The following WNK3 variants were observed in gnomAD, a reference collection of about 807,000 sequenced individuals.
WNK3 encodes the protein serine/threonine-protein kinase WNK3.
Under a neutral mutation model 116.7 loss-of-function variants are expected in WNK3, and 18 were observed. That is an observed-to-expected ratio of 0.15 (90% CI 0.11 to 0.23). The LOEUF (loss-of-function observed/expected upper bound fraction) is 0.23, where lower values mean the gene tolerates loss of function less well. WNK3 is among the 10% of genes least tolerant of loss of function. The pLI is 1.00. For missense variants in WNK3, 993 were observed against 1,323.8 expected (o/e 0.75, Z 3.88); for synonymous variants, 404 against 469.4 (o/e 0.86, Z 1.80).
intron 11 of WNK3, 116 bp from the exon 12 acceptor site, chrX:54,256,003 T>C: frequency 1.6e-6 from 1 of 618,210 alleles, no homozygotes; most frequent in Non-Finnish European, 2.4e-6. Flanking sequence ...ACTACAATCT[T>C]TTTAAAAGTT....
intron 1 of WNK3, among the ~76,000 whole-genome samples, chrX:54,354,565 G>A (rs1557179057): frequency 9.0e-6 from 1 of 111,041 alleles, no homozygotes; most frequent in Non-Finnish European, 1.9e-5. Flanking sequence ...CTAGGGAAAA[G>A]AGCCAACTCA....
At chrX:54,253,510 T>G (rs782074993) in intron 13 of WNK3, among the ~76,000 whole-genome samples, 1 of 110,947 alleles carries the variant, frequency 9.0e-6, no homozygotes, top group South Asian at 3.8e-4. Flanking sequence ...CAAGTGATCC[T>G]CCTGCCTAGG....
intron 12 of WNK3, 40 bp from the exon 13 acceptor site, chrX:54,254,115 G>C: frequency 4.1e-6 from 4 of 981,667 alleles, no homozygotes; most frequent in Non-Finnish European, 5.7e-6. Flanking sequence ...GTCAATCACT[G>C]TCTTCTTTTT....
rs147706876 is a variant in WNK3, at chrX:54,249,406, G to C, written c.2942C>G (p.Thr981Ser). The C allele has an allele frequency of 4.1e-6, 5 of 1,209,948 alleles. No homozygotes were observed. The African/African-American group carries it at 7.0e-5, about 17-fold the overall frequency. The change falls in exon 17 of 24, where the codon ACT (threonine) becomes AGT (serine). Residue 981 changes from threonine (T) to serine (S), a missense_variant. Physicochemically the swap from Thr to Ser is moderately conservative, Grantham distance 58. Transcript: ENST00000354646. Reference sequence around the variant, plus strand: ...AGCTGGAACTGCACGAACTGAAGTAGTAGAGTAACTGGAACTATTAGTAAC... The same window carrying C: ...AGCTGGAACTGCACGAACTGAAGTACTAGAGTAACTGGAACTATTAGTAAC...
At chrX:54,234,704 T>C (rs1358628279) in intron 20 of WNK3, among the ~76,000 whole-genome samples, 1 of 108,974 alleles carries the variant, frequency 9.2e-6, no homozygotes, top group Non-Finnish European at 1.9e-5. Context: ...CGGGTGCCTA[T>C]AGTCCCAGCT....
chrX:54,301,988 G>A, intron 5 of WNK3, 129 bp from the exon 6 acceptor site: 1 of 498,900 alleles, frequency 2.0e-6, no homozygotes, highest in Non-Finnish European at 3.4e-6. Flanking sequence ...AAATATACAT[G>A]TGTATATATA....
At chrX:54,202,302 C>T in intron 22 of WNK3, 109 bp from the exon 23 acceptor site, 1 of 682,346 alleles carries the variant, frequency 1.5e-6, no homozygotes, top group Non-Finnish European at 2.2e-6. Flanking sequence ...ACATGGGGTG[C>T]AATTAGGGTG....
intron 7 of WNK3, 151 bp from the exon 8 acceptor site, chrX:54,294,998 G>A (rs905100651): frequency 5.2e-5 from 21 of 402,648 alleles, no homozygotes; most frequent in Non-Finnish European, 7.3e-5. Context: ...CTAGGTTCAA[G>A]CGATTCTCCT....
chrX:54,284,165 T>C (rs2068553705), intron 10 of WNK3, among the ~76,000 whole-genome samples: 1 of 111,656 alleles, frequency 9.0e-6, no homozygotes, highest in African/African-American at 3.3e-5. Context: ...AAGGGACTTG[T>C]ATAATCCAGG....
chrX:54,337,920 T>G (rs1557175728), intron 1 of WNK3, among the ~76,000 whole-genome samples: 1 of 107,566 alleles, frequency 9.3e-6, no homozygotes, highest in East Asian at 3.0e-4. Flanking sequence ...ATTACAAAAT[T>G]AGCTGGGTAT....
intron 8 of WNK3, among the ~76,000 whole-genome samples, chrX:54,293,885 C>T (rs1032033122): frequency 3.6e-5 from 4 of 111,815 alleles, no homozygotes; most frequent in Non-Finnish European, 5.6e-5. Context: ...CTTTATTAAA[C>T]GATGTACGTG....
chrX:54,316,190 C>A (rs1435012263), intron 2 of WNK3, among the ~76,000 whole-genome samples: 1 of 110,693 alleles, frequency 9.0e-6, no homozygotes, highest in Non-Finnish European at 1.9e-5. Context: ...GGAGACGGGA[C>A]CTTTATGTCA....
intron 20 of WNK3, among the ~76,000 whole-genome samples, chrX:54,233,778 C>A: frequency 1.0e-5 from 1 of 100,050 alleles, no homozygotes; most frequent in African/African-American, 3.7e-5. Context: ...AGTTCAATAC[C>A]AGCCTAGACA....
At chrX:54,249,754 C>T in intron 16 of WNK3, 120 bp from the exon 17 acceptor site, 1 of 764,814 alleles carries the variant, frequency 1.3e-6, no homozygotes, top group Non-Finnish European at 1.9e-6. Context: ...TGAAAGTACT[C>T]TCGTAAATAA....
At chrX:54,224,935 A>C (rs2067817005) in intron 22 of WNK3, among the ~76,000 whole-genome samples, 1 of 110,994 alleles carries the variant, frequency 9.0e-6, no homozygotes, top group African/African-American at 3.3e-5. Context: ...ACAGAGAAAT[A>C]GAAGACTTGA....
Position 54,237,092 on chromosome X carries a change from C to T in WNK3, c.4474G>A (p.Glu1492Lys). ...TGGTGTGGTAAGCACTGATTACTCT[C>T]TGGACCAGTCTTTGCCACTGACTTT... is the stretch of plus-strand genomic sequence containing the variant. Residue 1492 changes from glutamate to lysine, a missense_variant, in exon 20 of 24, where the codon GAG (glutamate) becomes AAG (lysine). Transcript: ENST00000354646. The T allele has an allele frequency of 8.3e-7, 1 of 1,211,990 alleles. No individual in the cohort carries two copies. The highest frequency in any genetic ancestry group is 1.1e-6 in the Non-Finnish European group (1 of 895,607).
intron 1 of WNK3, among the ~76,000 whole-genome samples, chrX:54,341,948 G>A (rs1352038176): frequency 8.9e-6 from 1 of 111,839 alleles, no homozygotes; most frequent in African/African-American, 3.2e-5. Flanking sequence ...TATATAAATT[G>A]TATCTCAATA....
intron 22 of WNK3, among the ~76,000 whole-genome samples, chrX:54,218,351 A>G (rs964911394): frequency 3.6e-5 from 4 of 110,807 alleles, no homozygotes; most frequent in Non-Finnish European, 5.7e-5. Flanking sequence ...GCCTAAAAAA[A>G]TTAAAGGAAA....
chrX:54,265,206 C>T (rs1256515231), intron 10 of WNK3, among the ~76,000 whole-genome samples: 3 of 111,225 alleles, frequency 2.7e-5, no homozygotes, highest in African/African-American at 6.5e-5. Flanking sequence ...GAAAATGGGG[C>T]GGGGTGTGGG....
Sources: gnomAD v4.1 joint callset for allele counts (sites outside exome capture counted in the v4.1 genomes callset) on GRCh38, gnomAD v4.1.1 for gene constraint, MANE v1.5 for transcripts, NCBI Gene and HGNC (gene_info 2026-07-23, HGNC 2026-07-21) for gene names.